Variants in PRKCQ observed in about 807,000 individuals in gnomAD.
The protein encoded by PRKCQ is protein kinase C theta type.
In PRKCQ, 41 loss-of-function variants were observed where a neutral mutation model predicts 91.2. The observed-to-expected ratio is 0.45, with a 90% CI of 0.35 to 0.58. The LOEUF (loss-of-function observed/expected upper bound fraction) is 0.58, where lower values mean the gene tolerates loss of function less well. Among genes scored for constraint, PRKCQ ranks in the 20% least tolerant of loss-of-function variants. The pLI is 0.00. For missense variants in PRKCQ, 673 were observed against 896.5 expected, an observed-to-expected ratio of 0.75 and a Z score of 3.18; for synonymous variants, 307 against 316.9, an observed-to-expected ratio of 0.97 and a Z score of 0.33.
chr10:6,395,165 G>A, the PRKCQ span, among the ~76,000 whole-genome samples: 1 of 147,362 alleles, frequency 6.8e-6, no homozygotes, highest in South Asian at 2.2e-4. Flanking sequence ...CCGGGTTCAC[G>A]CCATTCTCCC....
At chr10:6,503,391 A>G (rs75060637) in intron 4 of PRKCQ, among the ~76,000 whole-genome samples, 9,891 of 152,174 alleles carry the variant, frequency 0.065, 499 homozygotes, top group African/African-American at 0.14. Context: ...GAAAGTTGGC[A>G]GGGGGGCATG....
intron 15 of PRKCQ, among the ~76,000 whole-genome samples, chr10:6,447,362 G>A (rs892472083): frequency 1.3e-5 from 2 of 148,930 alleles, no homozygotes; most frequent in African/African-American, 2.5e-5. Context: ...AGCCATGATT[G>A]TGCCACTGCA....
At chr10:6,426,836 TACTC>T (rs1358152852), downstream of PRKCQ, among the ~76,000 whole-genome samples, 2 of 152,214 alleles carry the variant, frequency 1.3e-5, no homozygotes, top group Admixed American at 1.3e-4. Context: ...CCCTTTGTCT[TACTC>T]TACTCCTGCC....
intron 15 of PRKCQ, among the ~76,000 whole-genome samples, chr10:6,444,215 T>G (rs1051463746): frequency 2.9e-4 from 44 of 152,206 alleles, no homozygotes; most frequent in African/African-American, 1.0e-3. Context: ...GGATTACAGG[T>G]GCATACCACC....
chr10:6,563,291 T>C (rs1168865588), intron 1 of PRKCQ, among the ~76,000 whole-genome samples: 1 of 151,664 alleles, frequency 6.6e-6, no homozygotes, highest in Non-Finnish European at 1.5e-5. Context: ...GACAGGGAGG[T>C]CTACTGCATG....
At chr10:6,551,352 G>A (rs1052904186) in intron 1 of PRKCQ, among the ~76,000 whole-genome samples, 2 of 151,282 alleles carry the variant, frequency 1.3e-5, no homozygotes, top group African/African-American at 4.9e-5. Flanking sequence ...TTTTGTGTCT[G>A]CATAGTATTC....
chr10:6,405,553 G>A, the PRKCQ span, among the ~76,000 whole-genome samples: 1 of 152,266 alleles, frequency 6.6e-6, no homozygotes, highest in East Asian at 1.9e-4. Context: ...CCAGCGCCCC[G>A]CAAGTCTTTC....
At chr10:6,570,899 A>G (rs1841018501) in intron 1 of PRKCQ, among the ~76,000 whole-genome samples, 1 of 152,098 alleles carries the variant, frequency 6.6e-6, no homozygotes, top group African/African-American at 2.4e-5. Flanking sequence ...GAAGGATGAG[A>G]GGATGGATTC....
chr10:6,523,076 T>C (rs1839075363), intron 1 of PRKCQ, among the ~76,000 whole-genome samples: 1 of 152,220 alleles, frequency 6.6e-6, no homozygotes, highest in Admixed American at 6.5e-5. Context: ...GCTTTGTTGC[T>C]AAGACTTCTA....
At chr10:6,525,148 CTT>C (rs55673084) in intron 1 of PRKCQ, among the ~76,000 whole-genome samples, 24 of 133,972 alleles carry the variant, frequency 1.8e-4, no homozygotes, top group African/African-American at 1.4e-4. Flanking sequence ...ATTTTAAGTT[CTT>C]TTTTTTTTTT....
At chr10:6,471,879 T>C (rs1235100040) in intron 12 of PRKCQ, among the ~76,000 whole-genome samples, 5 of 152,348 alleles carry the variant, frequency 3.3e-5, no homozygotes, top group Admixed American at 6.5e-5. Context: ...TCATGTCTTC[T>C]GGGAAGCTGG....
At chr10:6,571,443 A>G (rs1037208924) in intron 1 of PRKCQ, among the ~76,000 whole-genome samples, 2 of 152,202 alleles carry the variant, frequency 1.3e-5, no homozygotes, top group South Asian at 2.1e-4. Flanking sequence ...ACTGATGGGT[A>G]TATTTCAAAG....
chr10:6,445,181 CAG>C (rs1219947702), intron 15 of PRKCQ, among the ~76,000 whole-genome samples: 1 of 149,168 alleles, frequency 6.7e-6, no homozygotes, highest in Non-Finnish European at 1.5e-5. Context: ...CTAGGAAAGC[CAG>C]ATGTTTTGAT....
chr10:6,481,397 T>G (rs903756812), intron 11 of PRKCQ, among the ~76,000 whole-genome samples: 1 of 152,262 alleles, frequency 6.6e-6, no homozygotes, highest in Non-Finnish European at 1.5e-5. Flanking sequence ...ATCTATATAA[T>G]GTGCTTTCAA....
chr10:6,468,528 T>C lies in PRKCQ; in HGVS notation c.1354-4124A>G, dbSNP rs549753343. On this transcript the variant is annotated intron_variant, in intron 12 of 17. Transcript: ENST00000263125. Reference sequence around the variant, plus strand: ...GACTAATAACAGTTAATTTTGTAAATGCACTGAGAACTTGGCAAATATCAT... The same window carrying C: ...GACTAATAACAGTTAATTTTGTAAACGCACTGAGAACTTGGCAAATATCAT... Among the ~76,000 whole-genome samples, 4 of 152,342 alleles carry C rather than the reference T, an allele frequency of 2.6e-5. No individual in the cohort carries two copies. In the South Asian group the frequency reaches 6.2e-4, roughly 24 times the overall value.
In PRKCQ at chr10:6,430,710, G is replaced by A; in HGVS notation, c.1965+100C>T. The A allele has an allele frequency of 1.3e-6, 2 of 1,493,316 alleles. No individual in the cohort carries two copies. Among genetic ancestry groups the A allele is most frequent in the African/African-American group, 1.4e-5 (1 of 71,958 alleles). 92.5% of individuals were successfully genotyped at this position (1,493,316 alleles called of 1,614,324 possible). On this transcript the variant is annotated intron_variant, in intron 17 of 17. Transcript: ENST00000263125. This position sits in a 1 kb window ranked among gnomAD's most constrained non-coding sequence, Gnocchi z 4.7. ...AGAGTGGGGCTGGTGGGGAGTTGGG[G>A]CACCGGCAGGGGTGAGCAGCTGCGG...
At position 6,576,183 on chromosome 10, in the gene PRKCQ, C is replaced by A. The variant is rs557668375; in HGVS notation, c.-10+4028G>T. Among the ~76,000 whole-genome samples, 2 of 152,182 alleles carry A rather than the reference C, an allele frequency of 1.3e-5. No homozygotes were observed. The highest frequency in any genetic ancestry group is 2.4e-5 in the African/African-American group (1 of 41,434). On this transcript the variant is annotated intron_variant, in intron 1 of 17. Coordinates refer to ENST00000263125, the MANE Select transcript of PRKCQ (RefSeq NM_006257.5). This position sits in a 1 kb window ranked among gnomAD's most constrained non-coding sequence, Gnocchi z 4.2. ...AAAAATTAAACATAGAATTACCCTA[C>A]GACCCCACAATTCTACTGCTGGGTA...
intron 11 of PRKCQ, among the ~76,000 whole-genome samples, chr10:6,479,510 G>A (rs958491115): frequency 6.6e-6 from 1 of 152,178 alleles, no homozygotes; most frequent in Non-Finnish European, 1.5e-5. Flanking sequence ...GAAGAGTTGA[G>A]TGTGGAGAGG....
At chr10:6,490,606 A>T (rs77961887) in intron 8 of PRKCQ, among the ~76,000 whole-genome samples, 5,415 of 151,348 alleles carry the variant, frequency 0.036, 134 homozygotes, top group Non-Finnish European at 0.054. Context: ...AAAAACAGGC[A>T]TGGTAGCACA....
Sources: allele counts gnomAD v4.1 joint callset (sites outside exome capture counted in the v4.1 genomes callset), GRCh38; gene constraint gnomAD v4.1.1; non-coding constraint Gnocchi (gnomAD v3.1); transcripts MANE v1.5; gene names NCBI Gene and HGNC (gene_info 2026-07-23, HGNC 2026-07-21).